The following C1orf174 variants were observed in gnomAD, a reference collection of about 807,000 sequenced individuals.
C1orf174 encodes the protein chromosome 1 open reading frame 174.
Under a neutral mutation model 18.4 loss-of-function variants are expected in C1orf174, and 13 were observed. The ratio of observed to expected loss-of-function variants is 0.71; its 90% confidence interval spans 0.46 to 1.12. C1orf174 has a LOEUF of 1.12. Among genes scored for constraint, C1orf174 ranks in the 50% most tolerant of loss-of-function variants. C1orf174 has a pLI of 0.00. For synonymous variants in C1orf174, 100 were observed against 118.3 expected (o/e 0.85, Z 1.01); for missense variants, 309 against 308.0 (o/e 1.00, Z -0.02).
At chr1:3,890,543 C>T (rs754332679) in intron 3 of C1orf174, 26 bp downstream of exon 3, 19 of 1,609,860 alleles carry the variant, frequency 1.2e-5, no homozygotes, top group Middle Eastern at 1.7e-4. Flanking sequence ...TGAGTACCCA[C>T]GGGAGGAGGA....
chr1:3,892,829 A>T, intron 2 of C1orf174, 54 bp downstream of exon 2: 2 of 1,584,074 alleles, frequency 1.3e-6, no homozygotes, highest in Admixed American at 1.8e-5. Context: ...AATTTTGTAT[A>T]AAAATGGACC....
At chr1:3,898,117 C>T (rs930268836) in intron 1 of C1orf174, among the ~76,000 whole-genome samples, 3 of 152,234 alleles carry the variant, frequency 2.0e-5, no homozygotes, top group African/African-American at 4.8e-5. Context: ...TAGAAGGGAA[C>T]CTCAATAAAT....
chr1:3,894,785 C>T (rs539778239), intron 1 of C1orf174, among the ~76,000 whole-genome samples: 70 of 152,246 alleles, frequency 4.6e-4, no homozygotes, highest in Non-Finnish European at 8.8e-5. Flanking sequence ...AGGACGCCCG[C>T]CTGCTGTACA....
intron 1 of C1orf174, among the ~76,000 whole-genome samples, chr1:3,894,646 C>T (rs1343789753): frequency 6.6e-6 from 1 of 151,486 alleles, no homozygotes; most frequent in Non-Finnish European, 1.5e-5. Flanking sequence ...CTCAGCCATG[C>T]ACCCCGTAGC....
chr1:3,890,458 T>C (rs960346847), intron 3 of C1orf174, 111 bp downstream of exon 3: 1 of 1,412,118 alleles, frequency 7.1e-7, no homozygotes, highest in African/African-American at 1.4e-5. Context: ...GATTAGTTTA[T>C]GTTTAATGTT....
chr1:3,898,787 A>C (rs1638654670), intron 1 of C1orf174, among the ~76,000 whole-genome samples: 1 of 89,458 alleles, frequency 1.1e-5, no homozygotes, highest in Admixed American at 9.6e-5. Context: ...ATAACAAAAC[A>C]AAGTGGGTGA....
intron 1 of C1orf174, among the ~76,000 whole-genome samples, chr1:3,894,853 G>A (rs920928029): frequency 1.7e-4 from 26 of 152,284 alleles, no homozygotes; most frequent in Admixed American, 4.6e-4. Flanking sequence ...AGCACACCGG[G>A]GGCTGCGCCT....
At position 3,890,048 on chromosome 1, in the gene C1orf174, C is replaced by T. The variant is rs369248590; in HGVS notation, c.644G>A (p.Cys215Tyr). The change falls in exon 4 of 4, where the codon TGT becomes TAT. Residue 215 changes from cysteine to tyrosine, a missense_variant. Physicochemically the swap from Cys to Tyr is radical, Grantham distance 194. Transcript: ENST00000361605. ...MQDLPPASSS[C>Y]PSMSRREFRK... is the part of the protein sequence containing the mutation. ...GAACTCTCGTCTGCTCATTGAAGGACAAGATGAAGACGCAGGTGGGAGGTC... is the reference window on the plus strand; with the variant it reads ...GAACTCTCGTCTGCTCATTGAAGGATAAGATGAAGACGCAGGTGGGAGGTC... The T allele has an allele frequency of 2.2e-5, 36 of 1,614,044 alleles. No homozygotes were observed. In the Admixed American group the frequency reaches 3.8e-4, roughly 17 times the overall value.
chr1:3,900,199 CGCA>C lies in C1orf174; in HGVS notation c.-16_-14del, dbSNP rs2124790607. On this transcript the variant is annotated 5_prime_UTR_variant, in exon 1 of 4. Coordinates refer to ENST00000361605, the MANE Select transcript of C1orf174 (RefSeq NM_207356.3). The stretch of plus-strand genomic sequence containing the variant: ...TCCGGCTCCTCATGAGTGTGAGCAC[CGCA>C]GCCAAGCACCGCGCGCCCCGGCCAA... 1.3e-6 allele frequency: 2 copies of C among 1,581,028 alleles called. No individual in the cohort carries two copies. The highest frequency in any genetic ancestry group is 2.8e-5 in the African/African-American group (2 of 72,368).
Position 3,890,627 on chromosome 1 carries a change from T to A in C1orf174, c.560A>T (p.Asp187Val). 1.2e-6 allele frequency: 2 copies of A among 1,613,992 alleles called. No individual in the cohort carries two copies. The highest frequency in any genetic ancestry group is 1.7e-6 in the Non-Finnish European group (2 of 1,179,992). Residue 187 changes from aspartate (D) to valine (V), a missense_variant, in exon 3 of 4, where the codon GAC becomes GTC. Asp to Val is a radical substitution (Grantham distance 152). Coordinates refer to ENST00000361605, the MANE Select transcript of C1orf174 (RefSeq NM_207356.3). ...CACGGGCATTGGCTGATTGCTGTCG[T>A]CATCTAGAAAGACGCTGTTGTCCAT... ...LQMDNSVFLD[D>V]DSNQPMPVSR...
Position 3,889,813 on chromosome 1 carries a change from G to A in C1orf174, c.*147C>T. 1 of 745,514 alleles carries A rather than the reference G, an allele frequency of 1.3e-6. No homozygotes were observed. Among genetic ancestry groups the A allele is most frequent in the Admixed American group, 2.0e-5 (1 of 49,868 alleles). 46.2% of individuals were successfully genotyped at this position (745,514 alleles called of 1,614,324 possible). A position where few individuals can be genotyped will look rare whatever the true frequency, so the allele number is the denominator to read the frequency against. On this transcript the variant is annotated 3_prime_UTR_variant, in exon 4 of 4. Coordinates refer to ENST00000361605, the MANE Select transcript of C1orf174 (RefSeq NM_207356.3). ...AGTACATCCTCCACAGGTATTGGGT[G>A]CTTTGCACTATTGACTTAGATGGGT...
At chr1:3,890,291 A>C (rs1638480921) in intron 3 of C1orf174, among the ~76,000 whole-genome samples, 1 of 152,184 alleles carries the variant, frequency 6.6e-6, no homozygotes, top group Admixed American at 6.5e-5. Context: ...TCAAAACAAA[A>C]GAAATTAACA....
intron 3 of C1orf174, 82 bp from the exon 4 acceptor site, chr1:3,890,155 T>C: frequency 1.8e-6 from 2 of 1,123,746 alleles, no homozygotes; most frequent in South Asian, 1.3e-5. Context: ...ACCCAGCGGC[T>C]CTAGGGCTCG....
rs147888031 is a variant in C1orf174, at chr1:3,889,958, C to T, written c.*2G>A. Reference sequence around the variant, plus strand: ...ACTCAAGGACATTATTTTGTATGGCCCCTACATTTCTGCATCATCGTCGTC... The same window carrying T: ...ACTCAAGGACATTATTTTGTATGGCTCCTACATTTCTGCATCATCGTCGTC... On this transcript the variant is annotated 3_prime_UTR_variant, in exon 4 of 4. Transcript: ENST00000361605. 205 of 1,612,182 alleles carry T rather than the reference C, an allele frequency of 1.3e-4. No homozygotes were observed. In the African/African-American group the frequency reaches 1.7e-3, roughly 14 times the overall value.
chr1:3,894,059 TC>T (rs1638560794), intron 1 of C1orf174, among the ~76,000 whole-genome samples: 2 of 152,324 alleles, frequency 1.3e-5, no homozygotes, highest in African/African-American at 4.8e-5. Context: ...TATCGGTTTC[TC>T]CATGAACCGT....
At chr1:3,897,702 C>T (rs929185822) in intron 1 of C1orf174, among the ~76,000 whole-genome samples, 10 of 152,008 alleles carry the variant, frequency 6.6e-5, no homozygotes, top group African/African-American at 1.2e-4. Context: ...CTCACTCTAT[C>T]GCCCAGGCTG....
In C1orf174 at chr1:3,899,617, C is replaced by T. The variant is rs369938257; in HGVS notation, c.15+555G>A. Among the ~76,000 whole-genome samples, 5 of 152,348 alleles carry T rather than the reference C, an allele frequency of 3.3e-5. No homozygotes were observed. The East Asian group carries it at 5.8e-4, about 18-fold the overall frequency. ...TGCTGTGTGACGTCCATTGGAGTGG[C>T]AGCAGTTGAGGGGCACAAACTCAGC... On this transcript the variant is annotated intron_variant, in intron 1 of 3. Transcript: ENST00000361605.
chr1:3,895,089 C>T (rs1362104920), intron 1 of C1orf174, among the ~76,000 whole-genome samples: 5 of 152,212 alleles, frequency 3.3e-5, no homozygotes, highest in Non-Finnish European at 7.3e-5. Flanking sequence ...GCCACTGCCC[C>T]ACCTCTCCTC....
Position 3,890,086 on chromosome 1 carries a change from G to T in C1orf174, c.619-13C>A. ...CAGGTGGGAGGTCCTTAGTGGAGAA[G>T]AAAACATGACTTCAGTCATGAGCAA... On this transcript the variant is annotated splice_polypyrimidine_tract_variant and intron_variant, in intron 3 of 3. Coordinates refer to ENST00000361605, the MANE Select transcript of C1orf174 (RefSeq NM_207356.3). The T allele has an allele frequency of 6.2e-7, 1 of 1,605,152 alleles. No individual in the cohort carries two copies. Among genetic ancestry groups the T allele is most frequent in the Admixed American group, 1.7e-5 (1 of 60,002 alleles).
Sources: allele counts gnomAD v4.1 joint callset (sites outside exome capture counted in the v4.1 genomes callset), GRCh38; gene constraint gnomAD v4.1.1; transcripts MANE v1.5; gene names NCBI Gene and HGNC (gene_info 2026-07-23, HGNC 2026-07-21).